ACOT7: variants seen among roughly 807,000 people sequenced by gnomAD.
The protein encoded by ACOT7 is cytosolic acyl coenzyme A thioester hydrolase.
In ACOT7, 12 loss-of-function variants were observed where a neutral mutation model predicts 40.2. That is an observed-to-expected ratio of 0.30 (90% confidence interval 0.19 to 0.48). The LOEUF is 0.48. ACOT7 is among the 20% of genes least tolerant of loss of function. ACOT7 has a pLI of 0.99. For synonymous variants in ACOT7, 228 were observed against 219.5 expected (o/e 1.04, Z -0.34); for missense variants, 395 against 530.8 (o/e 0.74, Z 2.51).
rs1333555628 is a variant in ACOT7, at chr1:6,305,316, G to A, written c.713-10336C>T. Reference sequence around the variant, plus strand: ...CAGAGGGGCTCCTCACTTCCCAGTAGGGGCGGCCGGGCAGAGGCGCCCCTC... The same window carrying A: ...CAGAGGGGCTCCTCACTTCCCAGTAAGGGCGGCCGGGCAGAGGCGCCCCTC... On this transcript the variant is annotated intron_variant, in intron 6 of 8. Transcript: ENST00000361521. 2.3e-5 allele frequency among the ~76,000 whole-genome samples: 3 copies of A among 128,830 alleles called. No individual in the cohort carries two copies. In the East Asian group the frequency reaches 6.4e-4, roughly 27 times the overall value. 84.5% of individuals were successfully genotyped at this position (128,830 alleles called of 152,430 possible). A position where few individuals can be genotyped will look rare whatever the true frequency, so the allele number is the denominator to read the frequency against.
intron 6 of ACOT7, among the ~76,000 whole-genome samples, chr1:6,315,402 T>A (rs567478367): frequency 1.3e-5 from 2 of 152,172 alleles, no homozygotes; most frequent in African/African-American, 4.8e-5. Context: ...CAGTTCGTGT[T>A]TTCAATGTGG....
chr1:6,366,974 G>A (rs577221576), intron 1 of ACOT7, among the ~76,000 whole-genome samples: 12 of 152,088 alleles, frequency 7.9e-5, no homozygotes, highest in East Asian at 1.9e-4. Flanking sequence ...CGAGGCAGGC[G>A]GATCACGAGG....
intron 2 of ACOT7, among the ~76,000 whole-genome samples, chr1:6,340,762 G>A (rs1363448441): frequency 2.0e-5 from 3 of 152,050 alleles, no homozygotes; most frequent in East Asian, 1.9e-4. Flanking sequence ...TAGGCCGGGC[G>A]CGGTGGCTCA....
intron 1 of ACOT7, among the ~76,000 whole-genome samples, chr1:6,389,067 G>T (rs1175356349): frequency 6.6e-6 from 1 of 151,710 alleles, no homozygotes; most frequent in African/African-American, 2.4e-5. Context: ...AAAGACAAAG[G>T]TAGAGCCCCT....
chr1:6,349,673 TC>T, intron 2 of ACOT7, 75 bp downstream of exon 2: 2 of 1,419,626 alleles, frequency 1.4e-6, no homozygotes. Flanking sequence ...CAGGCCTGGC[TC>T]CCCGGGGAAC....
chr1:6,308,659 CAG>C (rs1329802050), intron 6 of ACOT7, among the ~76,000 whole-genome samples: 2 of 151,652 alleles, frequency 1.3e-5, no homozygotes, highest in Non-Finnish European at 2.9e-5. Context: ...GCAGAAGGAA[CAG>C]CAACAGGCAG....
chr1:6,391,398 C>G (rs1642530210), intron 1 of ACOT7, among the ~76,000 whole-genome samples: 1 of 152,108 alleles, frequency 6.6e-6, no homozygotes, highest in Non-Finnish European at 1.5e-5. Flanking sequence ...CCCAGCTACT[C>G]GGGAGGCTGA....
intron 2 of ACOT7, among the ~76,000 whole-genome samples, chr1:6,346,645 C>T (rs1219137488): frequency 1.3e-5 from 2 of 152,206 alleles, no homozygotes; most frequent in Admixed American, 6.5e-5. Context: ...AGCACTGTGC[C>T]CTGACTCCAC....
At chr1:6,309,445 G>A (rs952419495) in intron 6 of ACOT7, among the ~76,000 whole-genome samples, 3 of 152,154 alleles carry the variant, frequency 2.0e-5, no homozygotes, top group Admixed American at 1.3e-4. Flanking sequence ...CCTCCTTCCT[G>A]TGGGTGGATT....
intron 3 of ACOT7, 116 bp downstream of exon 3, chr1:6,339,317 G>A (rs1465985311): frequency 1.4e-6 from 2 of 1,420,938 alleles, no homozygotes; most frequent in African/African-American, 1.4e-5. Flanking sequence ...AGGTGAGAGA[G>A]GTCTCATTGG....
intron 8 of ACOT7, among the ~76,000 whole-genome samples, chr1:6,268,965 C>T (rs539591173): frequency 6.6e-6 from 1 of 152,224 alleles, no homozygotes; most frequent in Non-Finnish European, 1.5e-5. Context: ...CCCTCCCACC[C>T]CTTTGCCCCC....
At position 6,336,043 on chromosome 1, in the gene ACOT7, C is replaced by T. The variant is rs188298961; in HGVS notation, c.419-2475G>A. Among the ~76,000 whole-genome samples, 51 of 152,284 alleles carry T rather than the reference C, an allele frequency of 3.3e-4. 1 individual carries two copies. The highest frequency in any genetic ancestry group is 1.7e-3 in the South Asian group (8 of 4,818). On this transcript the variant is annotated intron_variant, in intron 3 of 8. Transcript: ENST00000361521. ...TAATGAAAGCATCAAAAGACAACGGCAGTATTAGAAAATTATCTCTCGGCC... is the reference window on the plus strand; with the variant it reads ...TAATGAAAGCATCAAAAGACAACGGTAGTATTAGAAAATTATCTCTCGGCC...
At chr1:6,384,075 T>C (rs112589055) in intron 1 of ACOT7, among the ~76,000 whole-genome samples, 1 of 151,832 alleles carries the variant, frequency 6.6e-6, no homozygotes, top group Admixed American at 6.6e-5. Context: ...ACAACTTTTT[T>C]GAATTGGAAA....
chr1:6,349,885 A>G lies in ACOT7; in HGVS notation c.144-19T>C, dbSNP rs1237601001. 10 of 1,611,308 alleles carry G rather than the reference A, an allele frequency of 6.2e-6. No individual in the cohort carries two copies. The highest frequency in any genetic ancestry group is 8.5e-6 in the Non-Finnish European group (10 of 1,177,644). On this transcript the variant is annotated intron_variant, in intron 1 of 8. Coordinates refer to ENST00000361521, the MANE Select transcript of ACOT7 (RefSeq NM_007274.4). Reference sequence around the variant, plus strand: ...CATGATCCTAGGGCAGAGGAGAAGCAGGATGAGGCCTCTGGAGAGGATGCC... The same window carrying G: ...CATGATCCTAGGGCAGAGGAGAAGCGGGATGAGGCCTCTGGAGAGGATGCC...
At chr1:6,300,595 C>T (rs890384668) in intron 6 of ACOT7, among the ~76,000 whole-genome samples, 1 of 148,024 alleles carries the variant, frequency 6.8e-6, no homozygotes, top group Admixed American at 6.8e-5. Flanking sequence ...TCCACAAACA[C>T]GGAATCTCAC....
At chr1:6,303,082 G>A (rs981686026) in intron 6 of ACOT7, among the ~76,000 whole-genome samples, 2 of 152,120 alleles carry the variant, frequency 1.3e-5, no homozygotes, top group East Asian at 1.9e-4. Context: ...ACTTTCTTCC[G>A]CTGTATTTAA....
chr1:6,293,801 C>G (rs1172702729), intron 7 of ACOT7, among the ~76,000 whole-genome samples: 1 of 152,248 alleles, frequency 6.6e-6, no homozygotes, highest in South Asian at 2.1e-4. Flanking sequence ...GTGAGCCTAG[C>G]CTTCTCTCAG....
rs147083115 is a variant in ACOT7, at chr1:6,378,233, C to T, written c.143+15024G>A. On this transcript the variant is annotated intron_variant, in intron 1 of 8. Transcript: ENST00000361521. ...CTGGAACTGGTGGCCTGGAGATTGTCGGGAGGGGAGGGAGGGAGGGGCAGT... is the reference window on the plus strand; with the variant it reads ...CTGGAACTGGTGGCCTGGAGATTGTTGGGAGGGGAGGGAGGGAGGGGCAGT... Among the ~76,000 whole-genome samples, 648 of 125,796 alleles carry T rather than the reference C, an allele frequency of 5.2e-3. 10 individuals are homozygous for T. Among genetic ancestry groups the T allele is most frequent in the African/African-American group, 0.019 (625 of 33,720 alleles). The allele number at this position is 125,796 out of a possible 152,430, so 82.5% of individuals were successfully genotyped here.
chr1:6,296,610 A>C (rs977940303), intron 6 of ACOT7, among the ~76,000 whole-genome samples: 2 of 152,120 alleles, frequency 1.3e-5, no homozygotes, highest in South Asian at 2.1e-4. Context: ...TTTTTAGTAG[A>C]GACGGGGTTT....
Sources: allele counts gnomAD v4.1 joint callset (sites outside exome capture counted in the v4.1 genomes callset), GRCh38; gene constraint gnomAD v4.1.1; transcripts MANE v1.5; gene names NCBI Gene and HGNC (gene_info 2026-07-23, HGNC 2026-07-21).